OPRM1: variants seen among roughly 807,000 people sequenced by gnomAD.
OPRM1 encodes the protein opioid receptor mu 1, also known as mu-type opioid receptor.
OPRM1 carries 27 observed loss-of-function variants against 31.8 expected under a neutral mutation model. That is an observed-to-expected ratio of 0.85 (90% CI 0.63 to 1.17). OPRM1 has a LOEUF of 1.17. OPRM1 is among the 50% of genes most tolerant of loss of function. OPRM1 has a pLI of 0.00. For synonymous variants in OPRM1, 196 were observed against 189.9 expected (o/e 1.03, Z -0.26); for missense variants, 536 against 511.1 (o/e 1.05, Z -0.47).
intron 3 of OPRM1, among the ~76,000 whole-genome samples, chr6:154,105,356 A>G (rs999995293): frequency 2.7e-4 from 41 of 152,200 alleles, no homozygotes; most frequent in Admixed American, 2.4e-3. Flanking sequence ...CAAAGTTTAA[A>G]AGATTAGTTT....
chr6:154,080,079 A>G (rs1163802198), intron 1 of OPRM1, among the ~76,000 whole-genome samples: 1 of 152,188 alleles, frequency 6.6e-6, no homozygotes, highest in African/African-American at 2.4e-5. Context: ...TATTTTACAT[A>G]ATTTTTTAGT....
rs966006656 is a variant in OPRM1 at position 154,127,045 on chromosome 6, G to T, written c.*8324G>T. Among the ~76,000 whole-genome samples, 2 of 151,122 alleles carry T rather than the reference G, an allele frequency of 1.3e-5. No homozygotes were observed. The highest frequency in any genetic ancestry group is 1.3e-4 in the Admixed American group (2 of 15,110). ...AATTGCTTGAACTGGGGAGGCGGAA[G>T]TTGCAGTGAGCCAAGATCGCAGCAT... On this transcript the variant is annotated 3_prime_UTR_variant, in exon 4 of 4. Coordinates refer to ENST00000330432, the MANE Select transcript of OPRM1 (RefSeq NM_000914.5).
intron 3 of OPRM1, chr6:154,094,092 A>C: frequency 2.0e-6 from 1 of 512,512 alleles, no homozygotes; most frequent in Admixed American, 2.7e-5. Context: ...ACTTGTTTGA[A>C]GTTTATATTG....
intron 1 of OPRM1, among the ~76,000 whole-genome samples, chr6:154,080,766 C>A (rs1221346475): frequency 1.3e-5 from 2 of 152,214 alleles, no homozygotes; most frequent in Non-Finnish European, 2.9e-5. Flanking sequence ...AATGAACAGT[C>A]TCCTTTGTCC....
At chr6:154,177,468 A>G (rs1226050469) in intron 3 of OPRM1, among the ~76,000 whole-genome samples, 1 of 152,220 alleles carries the variant, frequency 6.6e-6, no homozygotes, top group African/African-American at 2.4e-5. Flanking sequence ...CCCATCAGAA[A>G]GTGGGCAAAG....
At chr6:154,034,868 T>A (rs1451369303), upstream of OPRM1, among the ~76,000 whole-genome samples, 1 of 152,182 alleles carries the variant, frequency 6.6e-6, no homozygotes. Flanking sequence ...TTAAACTAGT[T>A]GTTTTTGGAT....
At position 154,021,299 on chromosome 6, in the gene OPRM1, T is replaced by C. The variant is rs149440928; in HGVS notation, c.-1+10281T>C. On this transcript the variant is annotated intron_variant, in intron 1 of 5. Transcript: ENST00000434900. ...ATGGATCTATACCTGTGCTCTCTGT[T>C]CTGTTTCATTGTTCTATTTTTCTAT... Among the ~76,000 whole-genome samples, 153 of 152,304 alleles carry C rather than the reference T, an allele frequency of 1.0e-3. 1 individual carries two copies. The highest frequency in any genetic ancestry group is 3.4e-3 in the African/African-American group (140 of 41,558).
chr6:154,036,380 A>G (rs1209686845), upstream of OPRM1, among the ~76,000 whole-genome samples: 2 of 152,102 alleles, frequency 1.3e-5, no homozygotes, highest in Non-Finnish European at 2.9e-5. Flanking sequence ...TAGAAGGATA[A>G]TAACTATCCT....
At chr6:154,088,033 T>C (rs1055329145) in intron 1 of OPRM1, among the ~76,000 whole-genome samples, 3 of 152,130 alleles carry the variant, frequency 2.0e-5, no homozygotes, top group Non-Finnish European at 2.9e-5. Flanking sequence ...AACAGTTCAT[T>C]TGTAACATCC....
At chr6:154,081,334 T>C (rs1009390222) in intron 1 of OPRM1, among the ~76,000 whole-genome samples, 1 of 152,154 alleles carries the variant, frequency 6.6e-6, no homozygotes, top group Non-Finnish European at 1.5e-5. Flanking sequence ...AAACCCCGTC[T>C]CTACTAAAAA....
intron 3 of OPRM1, among the ~76,000 whole-genome samples, chr6:154,152,302 A>AG (rs1798527255): frequency 1.2e-5 from 1 of 84,206 alleles, no homozygotes; most frequent in African/African-American, 5.1e-5. Flanking sequence ...GAGAGAAGAA[A>AG]GAAAGAAAGA....
At chr6:154,063,750 A>G (rs1330157655) in intron 1 of OPRM1, among the ~76,000 whole-genome samples, 2 of 152,090 alleles carry the variant, frequency 1.3e-5, no homozygotes, top group Non-Finnish European at 2.9e-5. Flanking sequence ...AGAATCATAT[A>G]TTATTTATCT....
chr6:154,168,218 A>G lies in OPRM1; in HGVS notation c.1164+76746A>G. The G allele has an allele frequency of 1.3e-6, 1 of 754,618 alleles. No homozygotes were observed. The highest frequency in any genetic ancestry group is 2.1e-6 in the Non-Finnish European group (1 of 481,906). The allele number at this position is 754,618 out of a possible 1,614,324, so 46.7% of individuals were successfully genotyped here. ...AAGGCACGGCCCCACTGGCACCCTC[A>G]TCTCAGACTTCTCTCCGGAACTGAA... is the stretch of plus-strand genomic sequence containing the variant. On this transcript the variant is annotated intron_variant, in intron 3 of 3. Transcript: ENST00000337049. This position sits in a 1 kb window ranked among gnomAD's most constrained non-coding sequence, Gnocchi z 4.1.
rs1033868956 is a variant in OPRM1 at position 154,124,600 on chromosome 6, CA to C, written c.*5880del. Among the ~76,000 whole-genome samples, 2 of 152,184 alleles carry C rather than the reference CA, an allele frequency of 1.3e-5. No individual in the cohort carries two copies. The highest frequency in any genetic ancestry group is 4.8e-5 in the African/African-American group (2 of 41,438). On this transcript the variant is annotated 3_prime_UTR_variant, in exon 4 of 4. Transcript: ENST00000330432. ...TCCTTTTTGTCTCAATCTCAAAAAA[CA>C]GTAAGTCTTTAATCCATTTGCATCA...
intron 3 of OPRM1, among the ~76,000 whole-genome samples, chr6:154,230,511 A>T (rs1779634885): frequency 1.3e-5 from 2 of 152,228 alleles, no homozygotes; most frequent in African/African-American, 4.8e-5. Flanking sequence ...TTTGGAAAAT[A>T]TACAAAATTA....
At chr6:154,180,426 A>T (rs1237055282) in intron 3 of OPRM1, among the ~76,000 whole-genome samples, 2 of 127,080 alleles carry the variant, frequency 1.6e-5, no homozygotes, top group Non-Finnish European at 3.3e-5. Flanking sequence ...TTTTTTTTTA[A>T]ACATGATCCT....
chr6:154,108,179 G>A lies in OPRM1; in HGVS notation c.1165-10504G>A, dbSNP rs532985807. On this transcript the variant is annotated intron_variant, in intron 3 of 3. Coordinates refer to ENST00000330432, the MANE Select transcript of OPRM1 (RefSeq NM_000914.5). Reference sequence around the variant, plus strand: ...AAAGGAAATTTTTTTTTTTCATTCTGGCCAGAGCAAAACACATGTGATAAA... The same window carrying A: ...AAAGGAAATTTTTTTTTTTCATTCTAGCCAGAGCAAAACACATGTGATAAA... 3.5e-4 allele frequency: 165 copies of A among 473,478 alleles called. 2 individuals carry two copies. Among genetic ancestry groups the A allele is most frequent in the African/African-American group, 3.0e-3 (148 of 49,700 alleles). 29.3% of individuals were successfully genotyped at this position (473,478 alleles called of 1,614,324 possible). A position where few individuals can be genotyped will look rare whatever the true frequency, so the allele number is the denominator to read the frequency against.
chr6:154,118,621 A>G (rs1187077161), intron 3 of OPRM1, 62 bp from the exon 4 acceptor site: 4 of 1,536,932 alleles, frequency 2.6e-6, no homozygotes, highest in Non-Finnish European at 3.6e-6. Flanking sequence ...AAGATGCTCA[A>G]CAAATGTGTG....
chr6:154,089,329 G>A (rs1438328735), intron 1 of OPRM1, among the ~76,000 whole-genome samples: 4 of 152,024 alleles, frequency 2.6e-5, no homozygotes, highest in African/African-American at 9.7e-5. Flanking sequence ...TCTCATGCCT[G>A]TAACACAAAC....
Sources: gnomAD v4.1 joint callset for allele counts (sites outside exome capture counted in the v4.1 genomes callset) on GRCh38, gnomAD v4.1.1 for gene constraint, Gnocchi (gnomAD v3.1) non-coding constraint, MANE v1.5 for transcripts, NCBI Gene and HGNC (gene_info 2026-07-23, HGNC 2026-07-21) for gene names.